The following CADM2 variants were observed in gnomAD, a reference collection of about 807,000 sequenced individuals.
The protein encoded by CADM2 is immunoglobulin superfamily member 4D.
In CADM2, 12 loss-of-function variants were observed where a neutral mutation model predicts 49.8. The observed-to-expected ratio is 0.24, with a 90% CI of 0.15 to 0.39. The LOEUF is 0.39. CADM2 is among the 10% of genes least tolerant of loss of function. CADM2 has a pLI of 1.00. For synonymous variants in CADM2, 214 were observed against 175.4 expected (o/e 1.22, Z -1.74); for missense variants, 378 against 492.3 (o/e 0.77, Z 2.20).
chr3:85,505,334 A>T (rs1224159351), intron 1 of CADM2, among the ~76,000 whole-genome samples: 1 of 152,246 alleles, frequency 6.6e-6, no homozygotes, highest in Admixed American at 6.5e-5. Flanking sequence ...TGCTCACAGG[A>T]TCACATTACA....
intron 1 of CADM2, among the ~76,000 whole-genome samples, chr3:85,511,537 G>A (rs1027956493): frequency 2.0e-5 from 3 of 152,070 alleles, no homozygotes; most frequent in Admixed American, 6.6e-5. Context: ...GTTTTGGAAA[G>A]TAATACAATT....
chr3:85,645,856 G>A (rs1486181880), intron 1 of CADM2, among the ~76,000 whole-genome samples: 1 of 151,802 alleles, frequency 6.6e-6, no homozygotes, highest in Non-Finnish European at 1.5e-5. Context: ...CTGGGGAGGG[G>A]GTAAGAAAAT....
intron 1 of CADM2, among the ~76,000 whole-genome samples, chr3:85,400,804 A>G (rs899773967): frequency 6.6e-6 from 1 of 152,158 alleles, no homozygotes; most frequent in Non-Finnish European, 1.5e-5. Context: ...TCCTTGGAGC[A>G]GTGAGTCCTT....
At chr3:85,347,123 T>C (rs1485817813) in intron 1 of CADM2, among the ~76,000 whole-genome samples, 1 of 144,174 alleles carries the variant, frequency 6.9e-6, no homozygotes, top group East Asian at 2.2e-4. Flanking sequence ...CTCTGGAGGC[T>C]GATGCAGGAG....
chr3:85,315,894 T>C (rs1284792475), intron 1 of CADM2, among the ~76,000 whole-genome samples: 1 of 152,084 alleles, frequency 6.6e-6, no homozygotes, highest in Non-Finnish European at 1.5e-5. Context: ...TATATATATA[T>C]TTACGTACAC....
intron 1 of CADM2, among the ~76,000 whole-genome samples, chr3:85,326,595 C>T (rs1227264561): frequency 6.6e-6 from 1 of 151,828 alleles, no homozygotes; most frequent in Non-Finnish European, 1.5e-5. Flanking sequence ...TTACTATAAT[C>T]AATTTTGAAA....
intron 1 of CADM2, among the ~76,000 whole-genome samples, chr3:85,381,359 C>T (rs1242453781): frequency 6.7e-6 from 1 of 150,202 alleles, no homozygotes; most frequent in African/African-American, 2.4e-5. Flanking sequence ...GACTTCTGAT[C>T]CCTTGAGAGT....
chr3:85,592,608 A>G (rs1197272477), intron 1 of CADM2, among the ~76,000 whole-genome samples: 1 of 151,966 alleles, frequency 6.6e-6, no homozygotes, highest in Non-Finnish European at 1.5e-5. Context: ...AAGAAAAAGC[A>G]TATATATTGG....
intron 1 of CADM2, among the ~76,000 whole-genome samples, chr3:85,308,536 A>C (rs770682669): frequency 1.9e-4 from 29 of 151,976 alleles, no homozygotes; most frequent in African/African-American, 2.7e-4. Flanking sequence ...CTAGTTTTCT[A>C]TGAATCTATT....
intron 1 of CADM2, among the ~76,000 whole-genome samples, chr3:85,220,828 T>C (rs1373124732): frequency 6.6e-6 from 1 of 152,068 alleles, no homozygotes; most frequent in East Asian, 1.9e-4. Flanking sequence ...ATGGTTGTTT[T>C]AAAATATTGC....
chr3:85,723,610 G>C (rs2067585906), intron 1 of CADM2, among the ~76,000 whole-genome samples: 1 of 152,016 alleles, frequency 6.6e-6, no homozygotes, highest in African/African-American at 2.4e-5. Flanking sequence ...TAGAGCTTTT[G>C]TTTTTCTTTC....
At chr3:85,290,402 A>C (rs994951317) in intron 1 of CADM2, among the ~76,000 whole-genome samples, 1 of 152,218 alleles carries the variant, frequency 6.6e-6, no homozygotes, top group Non-Finnish European at 1.5e-5. Flanking sequence ...AGGTAAACAA[A>C]GCAGCCTGGA....
intron 1 of CADM2, among the ~76,000 whole-genome samples, chr3:85,464,933 A>G (rs981013517): frequency 1.3e-5 from 2 of 152,118 alleles, no homozygotes; most frequent in African/African-American, 4.8e-5. Flanking sequence ...GTGGATCACA[A>G]GGTCAGCAGA....
chr3:84,975,392 T>C (rs576914341), intron 1 of CADM2, among the ~76,000 whole-genome samples: 2 of 151,906 alleles, frequency 1.3e-5, no homozygotes, highest in East Asian at 3.9e-4. Flanking sequence ...GCATTTTTTT[T>C]CATCAAAAAT....
At chr3:85,202,520 A>T (rs1375247565) in intron 1 of CADM2, among the ~76,000 whole-genome samples, 1 of 152,142 alleles carries the variant, frequency 6.6e-6, no homozygotes, top group Non-Finnish European at 1.5e-5. Context: ...CAGTGGGCTT[A>T]AAATATTCAG....
At chr3:85,739,038 GTTTAAAAT>G (rs2068266734) in intron 2 of CADM2, among the ~76,000 whole-genome samples, 1 of 152,004 alleles carries the variant, frequency 6.6e-6, no homozygotes, top group Admixed American at 6.6e-5. Context: ...ATGAATATAT[GTTTAAAAT>G]TTAATTTTGG....
intron 1 of CADM2, among the ~76,000 whole-genome samples, chr3:85,373,344 A>G (rs1251689172): frequency 6.6e-6 from 1 of 152,124 alleles, no homozygotes; most frequent in Non-Finnish European, 1.5e-5. Flanking sequence ...CTTTGACTCC[A>G]TGTCACACAT....
At chr3:85,467,714 T>C (rs2038562454) in intron 1 of CADM2, among the ~76,000 whole-genome samples, 1 of 152,176 alleles carries the variant, frequency 6.6e-6, no homozygotes, top group Admixed American at 6.5e-5. Flanking sequence ...TGGAAATATG[T>C]CAAAAGACAT....
intron 3 of CADM2, among the ~76,000 whole-genome samples, chr3:85,872,075 C>T (rs1167487551): frequency 6.6e-6 from 1 of 152,188 alleles, no homozygotes; most frequent in South Asian, 2.1e-4. Context: ...TAAGAGAGAG[C>T]CAGCATCTTT....
Sources: allele counts gnomAD v4.1 joint callset (sites outside exome capture counted in the v4.1 genomes callset), GRCh38; gene constraint gnomAD v4.1.1; transcripts MANE v1.5; gene names NCBI Gene and HGNC (gene_info 2026-07-23, HGNC 2026-07-21).